NME7: variants seen among roughly 807,000 people sequenced by gnomAD.
NME7 encodes the protein NME/NM23 family member 7.
In NME7, 41 loss-of-function variants were observed where a neutral mutation model predicts 49.1. That is an observed-to-expected ratio of 0.83 (90% CI 0.65 to 1.08). The LOEUF (loss-of-function observed/expected upper bound fraction) is 1.08. NME7 is among the 50% of genes least tolerant of loss of function. The pLI, the probability that NME7 is intolerant of heterozygous loss-of-function variation, is 0.00. For missense variants in NME7, 423 were observed against 463.4 expected (o/e 0.91, Z 0.80); for synonymous variants, 139 against 150.6 (o/e 0.92, Z 0.56).
chr1:169,252,605 T>C (rs61808874), intron 7 of NME7, among the ~76,000 whole-genome samples: 47,844 of 151,984 alleles, frequency 0.31, 8,395 homozygotes, highest in East Asian at 0.67. Context: ...GCTGCCATTG[T>C]TTTTGGTGTT....
intron 11 of NME7, among the ~76,000 whole-genome samples, chr1:169,151,259 C>A (rs960305817): frequency 6.6e-6 from 1 of 152,116 alleles, no homozygotes; most frequent in Non-Finnish European, 1.5e-5. Context: ...TCACCAAGGC[C>A]TTGGAAGATA....
chr1:169,223,292 T>C (rs960556924), intron 10 of NME7, among the ~76,000 whole-genome samples: 4 of 152,112 alleles, frequency 2.6e-5, no homozygotes, highest in African/African-American at 9.7e-5. Context: ...TATCACTACA[T>C]TTTTTTAATA....
chr1:169,186,293 G>A (rs966580026), intron 10 of NME7, among the ~76,000 whole-genome samples: 4 of 152,136 alleles, frequency 2.6e-5, no homozygotes, highest in Non-Finnish European at 5.9e-5. Context: ...GGACAGGATT[G>A]CAGGCTCTAG....
At chr1:169,254,070 G>T (rs1488797450) in intron 7 of NME7, among the ~76,000 whole-genome samples, 1 of 150,662 alleles carries the variant, frequency 6.6e-6, no homozygotes, top group Non-Finnish European at 1.5e-5. Context: ...GAATGATGCT[G>T]GCCTCATAAA....
At chr1:169,280,565 TC>T (rs1649966060) in intron 7 of NME7, among the ~76,000 whole-genome samples, 1 of 147,958 alleles carries the variant, frequency 6.8e-6, no homozygotes, top group Non-Finnish European at 1.5e-5. Context: ...GCCAAGGATT[TC>T]TTCTAAGATT....
At chr1:169,255,163 G>T (rs1424266268) in intron 7 of NME7, among the ~76,000 whole-genome samples, 2 of 135,686 alleles carry the variant, frequency 1.5e-5, no homozygotes, top group African/African-American at 2.6e-5. Flanking sequence ...TGACAGTGGG[G>T]TGTTAAAGTC....
intron 1 of NME7, among the ~76,000 whole-genome samples, chr1:169,330,483 G>A (rs1652214145): frequency 6.6e-6 from 1 of 152,040 alleles, no homozygotes; most frequent in African/African-American, 2.4e-5. Flanking sequence ...TTCAAGACCA[G>A]CCTGGCCAAC....
At chr1:169,216,549 G>A (rs1354900751) in intron 10 of NME7, among the ~76,000 whole-genome samples, 1 of 152,182 alleles carries the variant, frequency 6.6e-6, no homozygotes, top group Non-Finnish European at 1.5e-5. Context: ...AGCAGTAAAC[G>A]TGTTTCCCTT....
intron 1 of NME7, among the ~76,000 whole-genome samples, chr1:169,325,325 C>G (rs1223738972): frequency 6.6e-6 from 1 of 152,114 alleles, no homozygotes; most frequent in Non-Finnish European, 1.5e-5. Context: ...TCCTCTCAAT[C>G]AGTGGCTGGG....
At chr1:169,166,130 T>TCTTGGGGC (rs1263821451) in intron 11 of NME7, among the ~76,000 whole-genome samples, 4 of 152,168 alleles carry the variant, frequency 2.6e-5, no homozygotes, top group Non-Finnish European at 5.9e-5. Flanking sequence ...CCTCAGGCCC[T>TCTTGGGGC]CTTGGATAAT....
intron 7 of NME7, among the ~76,000 whole-genome samples, chr1:169,249,265 C>G (rs1571324622): frequency 6.6e-6 from 1 of 151,940 alleles, no homozygotes; most frequent in Non-Finnish European, 1.5e-5. Context: ...GGACTGAGTT[C>G]TTGATCTGAT....
Position 169,265,099 on chromosome 1 carries a change from T to C in NME7, c.754+22204A>G, listed in dbSNP as rs1024943641. 6.0e-5 allele frequency among the ~76,000 whole-genome samples: 8 copies of C among 132,668 alleles called. 2 individuals carry two copies. Among genetic ancestry groups the C allele is most frequent in the African/African-American group, 2.0e-4 (8 of 39,386 alleles). 87.0% of individuals were successfully genotyped at this position (132,668 alleles called of 152,430 possible). ...AGTGTGGGGGTAACTGCTACCAAGATTCAAATATCTCCTACCAGGTCCCTC... is the reference window on the plus strand; with the variant it reads ...AGTGTGGGGGTAACTGCTACCAAGACTCAAATATCTCCTACCAGGTCCCTC... On this transcript the variant is annotated intron_variant, in intron 7 of 11. Transcript: ENST00000367811.
At chr1:169,184,955 C>T (rs1450950606) in intron 10 of NME7, among the ~76,000 whole-genome samples, 2 of 152,142 alleles carry the variant, frequency 1.3e-5, no homozygotes, top group Non-Finnish European at 2.9e-5. Context: ...GACTTCAACA[C>T]AACACTCTAA....
At chr1:169,356,463 G>T (rs1180324373) in intron 1 of NME7, among the ~76,000 whole-genome samples, 1 of 151,982 alleles carries the variant, frequency 6.6e-6, no homozygotes, top group Non-Finnish European at 1.5e-5. Flanking sequence ...CAGGCAAATG[G>T]AATAGTAAGT....
At chr1:169,333,366 T>A (rs1652331462) in intron 1 of NME7, among the ~76,000 whole-genome samples, 1 of 151,818 alleles carries the variant, frequency 6.6e-6, no homozygotes, top group Admixed American at 6.6e-5. Context: ...ACAAAAAAAA[T>A]AAAATTAAAA....
intron 11 of NME7, among the ~76,000 whole-genome samples, chr1:169,139,606 T>C (rs1658532202): frequency 6.6e-6 from 1 of 152,248 alleles, no homozygotes; most frequent in Non-Finnish European, 1.5e-5. Flanking sequence ...AGGAATTATA[T>C]GGAAGACATT....
chr1:169,203,861 C>T (rs1297976629), intron 10 of NME7, among the ~76,000 whole-genome samples: 5 of 151,872 alleles, frequency 3.3e-5, no homozygotes. Flanking sequence ...CGTTTATTTT[C>T]GTGTTTTGTT....
intron 6 of NME7, among the ~76,000 whole-genome samples, chr1:169,288,127 C>T (rs1463492754): frequency 1.3e-5 from 2 of 152,188 alleles, no homozygotes; most frequent in Non-Finnish European, 2.9e-5. Flanking sequence ...TAAAGAGCCA[C>T]CTCAAATACC....
intron 11 of NME7, among the ~76,000 whole-genome samples, chr1:169,163,163 C>G (rs2101836098): frequency 6.6e-6 from 1 of 152,216 alleles, no homozygotes. Flanking sequence ...AGTAAAACTG[C>G]CTCTCACAAG....
Sources: allele counts gnomAD v4.1 joint callset (sites outside exome capture counted in the v4.1 genomes callset), GRCh38; gene constraint gnomAD v4.1.1; transcripts MANE v1.5; gene names NCBI Gene and HGNC (gene_info 2026-07-23, HGNC 2026-07-21).